Variants in VSIR observed in about 807,000 individuals in gnomAD.
VSIR encodes the protein V-type immunoglobulin domain-containing suppressor of T-cell activation.
A neutral mutation model predicts 31.0 loss-of-function variants in VSIR; 10 were observed. The observed-to-expected ratio is 0.32, with a 90% CI of 0.20 to 0.55. The LOEUF is 0.55. Among genes scored for constraint, VSIR ranks in the 20% least tolerant of loss-of-function variants. The probability of loss-of-function intolerance (pLI) is 0.93; values close to 1 mark genes in which losing one functional copy is unlikely to be tolerated. For missense variants in VSIR, 356 were observed against 416.2 expected (o/e 0.86, Z 1.26); for synonymous variants, 179 against 180.1 (o/e 0.99, Z 0.05).
chr10:71,760,217 ATGTG>A (rs1336468309), intron 3 of VSIR, among the ~76,000 whole-genome samples: 2 of 47,648 alleles, frequency 4.2e-5, no homozygotes, highest in African/African-American at 1.5e-4. Flanking sequence ...GTGTGTATAT[ATGTG>A]TATATATATG....
At chr10:71,759,671 G>A (rs1272213746) in intron 3 of VSIR, among the ~76,000 whole-genome samples, 1 of 151,882 alleles carries the variant, frequency 6.6e-6, no homozygotes, top group Admixed American at 6.6e-5. Flanking sequence ...GCCAGGCATT[G>A]TGGTGCACGC....
intron 1 of VSIR, among the ~76,000 whole-genome samples, chr10:71,764,115 T>C (rs1252535438): frequency 6.6e-6 from 1 of 152,180 alleles, no homozygotes; most frequent in Non-Finnish European, 1.5e-5. Flanking sequence ...GGAAAGTGGT[T>C]GGACTGAAGT....
rs892314630 is a variant in VSIR, at chr10:71,751,822, T to C, written c.744A>G (p.Ser248=). The C allele has an allele frequency of 5.7e-6, 9 of 1,573,102 alleles. No individual in the cohort carries two copies. Among genetic ancestry groups the C allele is most frequent in the Non-Finnish European group, 7.8e-6 (9 of 1,161,022 alleles). The change falls in exon 6 of 7, where the codon TCA becomes TCG. Residue 248 remains serine, a synonymous_variant. Coordinates refer to ENST00000394957, the MANE Select transcript of VSIR (RefSeq NM_022153.2). The surrounding 1 kb of genome is among the most constrained non-coding windows in gnomAD (Gnocchi z 4.9). The part of the protein sequence containing the change: ...QGIENPGFEA[S]PPAQGIPEAK... ...CCTCGGGTATCCCCTGGGCAGGTGG[T>C]GAGGCTTCAAAGCCGGGGTTTTCAA... is the stretch of plus-strand genomic sequence containing the variant.
rs867153002 is a variant in VSIR at position 71,751,528 on chromosome 10, C to T, written c.898+140G>A. 2 of 611,174 alleles carry T rather than the reference C, an allele frequency of 3.3e-6. No individual in the cohort carries two copies. Among genetic ancestry groups the T allele is most frequent in the Middle Eastern group, 9.1e-4 (2 of 2,204 alleles). The allele number at this position is 611,174 out of a possible 1,614,324, so 37.9% of individuals were successfully genotyped here. A position where few individuals can be genotyped will look rare whatever the true frequency, so the allele number is the denominator to read the frequency against. ...ACTCTTCAGGGAGGTGAATGGGGGC[C>T]CCTCTGTCCCTCACCCTCAACCCCA... On this transcript the variant is annotated intron_variant, in intron 6 of 6. Coordinates refer to ENST00000394957, the MANE Select transcript of VSIR (RefSeq NM_022153.2). This position sits in a 1 kb window ranked among gnomAD's most constrained non-coding sequence, Gnocchi z 4.9.
rs1839888945 is a variant in VSIR, at chr10:71,747,809, C to T, written c.*3444G>A. 1 of 152,302 alleles carries T rather than the reference C, an allele frequency of 6.6e-6. No homozygotes were observed. Among genetic ancestry groups the T allele is most frequent in the Non-Finnish European group, 1.5e-5 (1 of 68,072 alleles). The allele number at this position is 152,302 out of a possible 1,614,324, so 9.4% of individuals were successfully genotyped here. ...AGGCAGACATGGCTATCTATCTCGG[C>T]ACTGTCTCACCAAGCTATATTGATC... is the stretch of plus-strand genomic sequence containing the variant. On this transcript the variant is annotated 3_prime_UTR_variant, in exon 7 of 7. Transcript: ENST00000394957.
At chr10:71,752,121 C>T (rs1840020306) in intron 5 of VSIR, 2 of 637,804 alleles carry the variant, frequency 3.1e-6, no homozygotes, top group East Asian at 3.0e-5. Context: ...GACCATCAAC[C>T]CCGGGCACAG....
chr10:71,751,681 G>A lies in VSIR; in HGVS notation c.885C>T (p.Phe295=). Residue 295 remains phenylalanine (F), a synonymous_variant, in exon 6 of 7, where the codon TTC becomes TTT. Transcript: ENST00000394957. The surrounding 1 kb of genome is among the most constrained non-coding windows in gnomAD (Gnocchi z 4.9). ...GGAAACACTTACCCAGGGATGGGAA[G>A]AAGACGTCTCCGGGGCCTGGAGGAG... ...PLSPPGPGDV[F]FPSLDPVPDS... 6.5e-7 allele frequency: 1 copy of A among 1,536,836 alleles called. No individual in the cohort carries two copies. The highest frequency in any genetic ancestry group is 8.7e-7 in the Non-Finnish European group (1 of 1,143,658).
Position 71,751,118 on chromosome 10 carries a change from T to A in VSIR, c.*135A>T, listed in dbSNP as rs570367547. 9.6e-7 allele frequency: 1 copy of A among 1,042,312 alleles called. No homozygotes were observed. The highest frequency in any genetic ancestry group is 2.8e-5 in the Admixed American group (1 of 36,222). 64.6% of individuals were successfully genotyped at this position (1,042,312 alleles called of 1,614,324 possible). A position where few individuals can be genotyped will look rare whatever the true frequency, so the allele number is the denominator to read the frequency against. ...GGGTTGAGGGGCTGGGCTTCTGGGATGTCACAGTATCTGAGCCCAGAGCAG... is the reference window on the plus strand; with the variant it reads ...GGGTTGAGGGGCTGGGCTTCTGGGAAGTCACAGTATCTGAGCCCAGAGCAG... On this transcript the variant is annotated 3_prime_UTR_variant, in exon 7 of 7. Transcript: ENST00000394957. This position sits in a 1 kb window ranked among gnomAD's most constrained non-coding sequence, Gnocchi z 4.9.
chr10:71,765,948 T>C (rs1313068800), intron 1 of VSIR, among the ~76,000 whole-genome samples: 1 of 151,976 alleles, frequency 6.6e-6, no homozygotes, highest in Non-Finnish European at 1.5e-5. Flanking sequence ...AAACACCCCA[T>C]TTACTGTGTC....
intron 1 of VSIR, among the ~76,000 whole-genome samples, chr10:71,768,719 A>G (rs958546742): frequency 6.6e-6 from 1 of 151,616 alleles, no homozygotes; most frequent in Non-Finnish European, 1.5e-5. Flanking sequence ...GCTTCAAGAG[A>G]TCCTCCCACC....
intron 1 of VSIR, among the ~76,000 whole-genome samples, chr10:71,766,217 A>G (rs969309436): frequency 6.6e-6 from 1 of 152,234 alleles, no homozygotes; most frequent in Non-Finnish European, 1.5e-5. Context: ...GGAGACCGGG[A>G]AAAGTGGGTG....
intron 3 of VSIR, 133 bp downstream of exon 3, chr10:71,760,735 G>T: frequency 1.3e-6 from 1 of 786,752 alleles, no homozygotes. Flanking sequence ...ATGTGCAGCA[G>T]CAGAAAAGGA....
chr10:71,762,577 C>A (rs1271660359), intron 1 of VSIR, among the ~76,000 whole-genome samples: 1 of 152,264 alleles, frequency 6.6e-6, no homozygotes, highest in Non-Finnish European at 1.5e-5. Flanking sequence ...GGCCTGCATT[C>A]CCGACAGCAG....
At chr10:71,773,312 G>A in intron 1 of VSIR, 46 bp downstream of exon 1, 1 of 1,556,822 alleles carries the variant, frequency 6.4e-7, no homozygotes, top group African/African-American at 1.4e-5. Context: ...CCAGTCTGCT[G>A]TCTTCTCCCA....
In VSIR at chr10:71,759,890, C is replaced by CACACACACACATAT. The variant is rs1564779272; in HGVS notation, c.568+977_568+978insATATGTGTGTGTGT. 2.2e-4 allele frequency among the ~76,000 whole-genome samples: 7 copies of CACACACACACATAT among 32,454 alleles called. 3 individuals are homozygous for CACACACACACATAT. Among genetic ancestry groups the CACACACACACATAT allele is most frequent in the Admixed American group, 1.5e-3 (4 of 2,686 alleles). The allele number at this position is 32,454 out of a possible 152,430, so 21.3% of individuals were successfully genotyped here. A position where few individuals can be genotyped will look rare whatever the true frequency, so the allele number is the denominator to read the frequency against. On this transcript the variant is annotated intron_variant, in intron 3 of 6. Transcript: ENST00000394957. ...ATATATATACACACACACACATATA[C>CACACACACACATAT]ACACACACATATATACACACACACA...
intron 4 of VSIR, 99 bp from the exon 5 acceptor site, chr10:71,753,101 G>A (rs1239068534): frequency 9.8e-6 from 14 of 1,424,662 alleles, no homozygotes; most frequent in African/African-American, 2.9e-5. Flanking sequence ...GAACAGGAGC[G>A]AGCCCAGGAG....
chr10:71,769,376 A>G (rs1434547629), intron 1 of VSIR, among the ~76,000 whole-genome samples: 1 of 152,144 alleles, frequency 6.6e-6, no homozygotes, highest in Non-Finnish European at 1.5e-5. Context: ...ACGTTCTTTT[A>G]TGGTTTTGTT....
intron 4 of VSIR, among the ~76,000 whole-genome samples, chr10:71,754,036 T>C (rs1368428560): frequency 1.3e-5 from 2 of 152,200 alleles, no homozygotes; most frequent in African/African-American, 4.8e-5. Flanking sequence ...CAAACTGCCG[T>C]CCTCAAGGCT....
Position 71,761,882 on chromosome 10 carries a change from G to A in VSIR, c.227C>T (p.Ser76Leu), listed in dbSNP as rs572650329. 1.7e-5 allele frequency: 28 copies of A among 1,614,088 alleles called. No individual in the cohort carries two copies. Among genetic ancestry groups the A allele is most frequent in the South Asian group, 7.7e-5 (7 of 91,082 alleles). ...TGAGCAGGTCTGCACCTCGCCCCTCGAGCTGCGGTACCACGTCTTGTAGAA... is the reference window on the plus strand; with the variant it reads ...TGAGCAGGTCTGCACCTCGCCCCTCAAGCTGCGGTACCACGTCTTGTAGAA... ...VTFYKTWYRS[S>L]RGEVQTCSER... is the part of the protein sequence containing the mutation. The change falls in exon 2 of 7, where the codon TCG becomes TTG. Residue 76 changes from serine (S) to leucine (L), a missense_variant. Around this residue, in one of 2 missense-constraint regions of VSIR, gnomAD observed 166 missense variants for 231.0 expected, o/e 0.72. Transcript: ENST00000394957.
Sources: gnomAD v4.1 joint callset for allele counts (sites outside exome capture counted in the v4.1 genomes callset) on GRCh38, gnomAD v4.1.1 for gene constraint, gnomAD v4.1.1 regional missense constraint, Gnocchi (gnomAD v3.1) non-coding constraint, MANE v1.5 for transcripts, NCBI Gene and HGNC (gene_info 2026-07-23, HGNC 2026-07-21) for gene names.